FZD3: variants seen among roughly 807,000 people sequenced by gnomAD.
FZD3 encodes the protein frizzled-3.
Under a neutral mutation model 60.7 loss-of-function variants are expected in FZD3, and 30 were observed. That is an observed-to-expected ratio of 0.49 (90% CI 0.37 to 0.67). FZD3 has a LOEUF of 0.67. Ranked by LOEUF, FZD3 falls within the 30% of genes least tolerant of loss-of-function variation. FZD3 has a pLI of 0.00. For synonymous variants in FZD3, 246 were observed against 275.2 expected (o/e 0.89, Z 1.05); for missense variants, 605 against 838.7 (o/e 0.72, Z 3.44).
At chr8:28,528,357 A>G (rs1365952561) in intron 5 of FZD3, among the ~76,000 whole-genome samples, 193 bp downstream of exon 5, 1 of 152,170 alleles carries the variant, frequency 6.6e-6, no homozygotes, top group Admixed American at 6.6e-5. Context: ...TCTTCATTTT[A>G]AAAGATGACT....
chr8:28,546,651 A>T (rs757608218), intron 5 of FZD3, among the ~76,000 whole-genome samples: 3 of 152,158 alleles, frequency 2.0e-5, no homozygotes, highest in South Asian at 4.2e-4. Flanking sequence ...ATATTTTTTT[A>T]AATTCTGGGA....
At chr8:28,502,063 A>G (rs1348850199) in intron 2 of FZD3, among the ~76,000 whole-genome samples, 2 of 152,182 alleles carry the variant, frequency 1.3e-5, no homozygotes, top group African/African-American at 2.4e-5. Context: ...ACATTATCTT[A>G]TGATTCACTC....
At chr8:28,497,532 A>G (rs995516266) in intron 1 of FZD3, among the ~76,000 whole-genome samples, 5 of 152,214 alleles carry the variant, frequency 3.3e-5, no homozygotes, top group Non-Finnish European at 7.3e-5. Flanking sequence ...GAAAAAAGAC[A>G]AAGAATATCC....
In FZD3 at chr8:28,527,198, T is replaced by C. The variant is rs1441805905; in HGVS notation, c.438T>C (p.Ala146=). 6.2e-7 allele frequency: 1 copy of C among 1,613,776 alleles called. No individual in the cohort carries two copies. Among genetic ancestry groups the C allele is most frequent in the South Asian group, 1.1e-5 (1 of 91,028 alleles). ...PYPRLVDLNL[A]GEPTEGAPVA... The stretch of plus-strand genomic sequence containing the variant: ...CTCGACTTGTGGATCTGAATTTAGC[T>C]GGAGAACCAACTGAAGGAGCCCCAG... Residue 146 remains alanine, a synonymous_variant, in exon 5 of 8, where the codon GCT becomes GCC. Transcript: ENST00000240093. This position sits in a 1 kb window ranked among gnomAD's most constrained non-coding sequence, Gnocchi z 5.0.
intron 6 of FZD3, among the ~76,000 whole-genome samples, chr8:28,555,276 C>G (rs1805488114): frequency 6.6e-6 from 1 of 152,164 alleles, no homozygotes; most frequent in Non-Finnish European, 1.5e-5. Context: ...ACAGTGAAGC[C>G]TCTACTAGTT....
Position 28,527,878 on chromosome 8 carries a change from A to G in FZD3, c.1118A>G (p.Tyr373Cys), listed in dbSNP as rs766846977. 1.9e-6 allele frequency: 3 copies of G among 1,614,064 alleles called. No individual in the cohort carries two copies. The highest frequency in any genetic ancestry group is 3.3e-5 in the Admixed American group (2 of 59,972). The part of the protein sequence containing the change: ...VGLYDVDALR[Y>C]FVLAPLCLYV... ...CTCTACGATGTTGATGCATTGAGAT[A>G]TTTTGTTCTTGCTCCCCTCTGCCTG... Residue 373 changes from tyrosine (Y) to cysteine (C), a missense_variant, in exon 5 of 8, where the codon TAT becomes TGT. Tyr to Cys is a radical substitution (Grantham distance 194). Transcript: ENST00000240093. This position sits in a 1 kb window ranked among gnomAD's most constrained non-coding sequence, Gnocchi z 5.0.
At chr8:28,524,445 C>T (rs1804664885) in intron 4 of FZD3, among the ~76,000 whole-genome samples, 1 of 152,136 alleles carries the variant, frequency 6.6e-6, no homozygotes, top group Non-Finnish European at 1.5e-5. Context: ...GTTCATTTTC[C>T]TCAGCACTTG....
intron 5 of FZD3, among the ~76,000 whole-genome samples, chr8:28,547,183 CACTT>C (rs1209931766): frequency 6.6e-6 from 1 of 152,068 alleles, no homozygotes; most frequent in African/African-American, 2.4e-5. Context: ...TTTTTTTACT[CACTT>C]GGTAGCTCCC....
At chr8:28,536,119 C>T (rs7813391) in intron 5 of FZD3, among the ~76,000 whole-genome samples, 80,866 of 152,020 alleles carry the variant, frequency 0.53, 22,036 homozygotes, top group South Asian at 0.63. Flanking sequence ...GATATTAACT[C>T]CTGTTATTAC....
intron 6 of FZD3, among the ~76,000 whole-genome samples, chr8:28,553,562 TATAGAGATTTA>T: frequency 6.6e-6 from 1 of 152,318 alleles, no homozygotes; most frequent in East Asian, 1.9e-4. Context: ...AAGTTTTCCT[TATAGAGATTTA>T]TCCTAGTTAG....
intron 3 of FZD3, among the ~76,000 whole-genome samples, chr8:28,509,003 A>T (rs916331926): frequency 2.6e-5 from 4 of 152,270 alleles, no homozygotes; most frequent in Non-Finnish European, 5.9e-5. Flanking sequence ...AGGGACAAAG[A>T]TTTCTTTATA....
chr8:28,519,390 G>A (rs945887094), intron 3 of FZD3, among the ~76,000 whole-genome samples: 1 of 152,020 alleles, frequency 6.6e-6, no homozygotes, highest in Non-Finnish European at 1.5e-5. Flanking sequence ...TTAGCTTACA[G>A]CATTAGTTTG....
chr8:28,517,296 C>T (rs991981792), intron 3 of FZD3, among the ~76,000 whole-genome samples: 1 of 152,202 alleles, frequency 6.6e-6, no homozygotes, highest in African/African-American at 2.4e-5. Flanking sequence ...CTGAAGTCAG[C>T]TCTGAAAGTT....
rs931038993 is a variant in FZD3, at chr8:28,571,516, G to A, written c.*8505G>A. On this transcript the variant is annotated 3_prime_UTR_variant, in exon 8 of 8. Coordinates refer to ENST00000240093, the MANE Select transcript of FZD3 (RefSeq NM_017412.4). ...AGTCTGGACATTCTCTTGCCATCAGGTGCTATTTCTACCTTAGCTGTGAGT... is the reference window on the plus strand; with the variant it reads ...AGTCTGGACATTCTCTTGCCATCAGATGCTATTTCTACCTTAGCTGTGAGT... 1.3e-5 allele frequency: 2 copies of A among 152,184 alleles called. No individual in the cohort carries two copies. The highest frequency in any genetic ancestry group is 4.8e-5 in the African/African-American group (2 of 41,532). The allele number at this position is 152,184 out of a possible 1,614,324, so 9.4% of individuals were successfully genotyped here.
chr8:28,555,638 CAATT>C, intron 6 of FZD3, 96 bp from the exon 7 acceptor site: 1 of 726,918 alleles, frequency 1.4e-6, no homozygotes, highest in South Asian at 1.7e-5. Flanking sequence ...ATTTGGCAAG[CAATT>C]AATTTCAAGA....
Position 28,573,441 on chromosome 8 carries a change from G to C in FZD3, c.*10430G>C, listed in dbSNP as rs929500966. 6.6e-6 allele frequency: 1 copy of C among 151,826 alleles called. No homozygotes were observed. The highest frequency in any genetic ancestry group is 1.5e-5 in the Non-Finnish European group (1 of 67,950). The allele number at this position is 151,826 out of a possible 1,614,324, so 9.4% of individuals were successfully genotyped here. On this transcript the variant is annotated 3_prime_UTR_variant, in exon 8 of 8. Transcript: ENST00000240093. ...AGATACCATTAAGTGACCTAGCTTG[G>C]AAATCTGCCCCCTTTGCCCAAACCC...
chr8:28,535,866 A>T (rs1195345312), intron 5 of FZD3, among the ~76,000 whole-genome samples: 2 of 152,170 alleles, frequency 1.3e-5, no homozygotes, highest in African/African-American at 2.4e-5. Flanking sequence ...ATCCTGTGAA[A>T]GTTACAGTTT....
chr8:28,553,580 T>C (rs1805450909), intron 6 of FZD3, among the ~76,000 whole-genome samples: 1 of 152,202 alleles, frequency 6.6e-6, no homozygotes, highest in Non-Finnish European at 1.5e-5. Flanking sequence ...TTTATCCTAG[T>C]TAGTTTGCGG....
intron 5 of FZD3, among the ~76,000 whole-genome samples, chr8:28,536,478 A>C (rs1037740036): frequency 6.6e-6 from 1 of 152,134 alleles, no homozygotes; most frequent in Non-Finnish European, 1.5e-5. Flanking sequence ...GAGGCCAAGG[A>C]GGGTGGATCA....
Sources: allele counts gnomAD v4.1 joint callset (sites outside exome capture counted in the v4.1 genomes callset), GRCh38; gene constraint gnomAD v4.1.1; non-coding constraint Gnocchi (gnomAD v3.1); transcripts MANE v1.5; gene names NCBI Gene and HGNC (gene_info 2026-07-23, HGNC 2026-07-21).